Variants in ADGRD1 observed in about 807,000 individuals in gnomAD.
ADGRD1 encodes the protein adhesion G protein-coupled receptor D1.
ADGRD1 carries 77 observed loss-of-function variants against 113.4 expected under a neutral mutation model. The ratio of observed to expected loss-of-function variants is 0.68; its 90% CI spans 0.57 to 0.82. ADGRD1 has a LOEUF of 0.82. ADGRD1 is among the 40% of genes least tolerant of loss of function. The pLI, the probability that ADGRD1 is intolerant of heterozygous loss-of-function variation, is 0.00. For synonymous variants in ADGRD1, 474 were observed against 475.0 expected (o/e 1.00, Z 0.03); for missense variants, 1,036 against 1,139.1 (o/e 0.91, Z 1.30).
chr12:131,062,530 T>G (rs1476809949), intron 13 of ADGRD1, among the ~76,000 whole-genome samples: 2 of 152,204 alleles, frequency 1.3e-5, no homozygotes, highest in Non-Finnish European at 2.9e-5. Context: ...GGGGGCCAGA[T>G]GGTGATAATT....
chr12:131,032,234 C>T (rs1339747531), intron 13 of ADGRD1, among the ~76,000 whole-genome samples: 1 of 152,174 alleles, frequency 6.6e-6, no homozygotes, highest in African/African-American at 2.4e-5. Flanking sequence ...CGTTCCCTCT[C>T]CACCCTGGCG....
At chr12:131,137,779 C>T (rs1951128846) in intron 23 of ADGRD1, 2 of 318,440 alleles carry the variant, frequency 6.3e-6, no homozygotes, top group East Asian at 7.6e-5. Context: ...GAGGTGGATC[C>T]CGGTGGCAGG....
intron 4 of ADGRD1, among the ~76,000 whole-genome samples, chr12:130,979,579 G>A (rs1872703880): frequency 6.6e-6 from 1 of 152,178 alleles, no homozygotes; most frequent in African/African-American, 2.4e-5. Flanking sequence ...TGAAGGTAAG[G>A]TCTAAAGTCT....
At chr12:131,074,318 G>C (rs901061924) in intron 13 of ADGRD1, among the ~76,000 whole-genome samples, 1 of 152,228 alleles carries the variant, frequency 6.6e-6, no homozygotes, top group African/African-American at 2.4e-5. Context: ...ACTTGCCATG[G>C]AGCCGGCCCT....
chr12:131,090,676 G>C (rs1886848547), intron 15 of ADGRD1, among the ~76,000 whole-genome samples: 1 of 152,216 alleles, frequency 6.6e-6, no homozygotes, highest in Non-Finnish European at 1.5e-5. Flanking sequence ...TGTCAACATG[G>C]TGATTAGGGC....
chr12:131,060,388 T>C lies in ADGRD1; in HGVS notation c.1474-16413T>C, dbSNP rs746646232. ...TGGTTACTGGACATATCAGATCAAA[T>C]AGCTCAGGAGGCAAATAATCCACGC... On this transcript the variant is annotated intron_variant, in intron 13 of 24. Transcript: ENST00000261654. The surrounding 1 kb of genome is among the most constrained non-coding windows in gnomAD (Gnocchi z 4.4). Among the ~76,000 whole-genome samples, 1 of 152,214 alleles carries C rather than the reference T, an allele frequency of 6.6e-6. No individual in the cohort carries two copies. Among genetic ancestry groups the C allele is most frequent in the African/African-American group, 2.4e-5 (1 of 41,468 alleles).
chr12:131,044,729 T>G (rs1593109120), intron 13 of ADGRD1, among the ~76,000 whole-genome samples: 1 of 152,120 alleles, frequency 6.6e-6, no homozygotes, highest in Admixed American at 6.5e-5. Flanking sequence ...GCTCTGGGTG[T>G]GCGAGTTTCT....
intron 21 of ADGRD1, among the ~76,000 whole-genome samples, chr12:131,135,396 G>T (rs975903230): frequency 6.6e-6 from 1 of 152,160 alleles, no homozygotes; most frequent in African/African-American, 2.4e-5. Flanking sequence ...CAGCGATGGG[G>T]CTCTGTCAGT....
At chr12:131,037,322 GGGGCCTCACTCACTGCACC>G (rs1197436321) in intron 13 of ADGRD1, among the ~76,000 whole-genome samples, 10 of 68,368 alleles carry the variant, frequency 1.5e-4, no homozygotes, top group Admixed American at 4.4e-4. Context: ...CTCACTGCAT[GGGGCCTCACTCACTGCACC>G]GGGCCTCACT....
intron 13 of ADGRD1, among the ~76,000 whole-genome samples, chr12:131,039,063 G>A (rs1881841136): frequency 6.6e-6 from 1 of 152,244 alleles, no homozygotes; most frequent in African/African-American, 2.4e-5. Flanking sequence ...CCAGGAAACT[G>A]CTGAGTCTAG....
chr12:131,031,929 G>A (rs1880805782), intron 13 of ADGRD1, among the ~76,000 whole-genome samples: 1 of 152,214 alleles, frequency 6.6e-6, no homozygotes, highest in Non-Finnish European at 1.5e-5. Flanking sequence ...AGCCATTTGT[G>A]TCTGTTTGGT....
chr12:131,078,781 A>T (rs969195640), intron 14 of ADGRD1, among the ~76,000 whole-genome samples: 2 of 152,090 alleles, frequency 1.3e-5, no homozygotes, highest in Admixed American at 1.3e-4. Flanking sequence ...CTTTTCCCTC[A>T]ATTCCTAGAG....
At chr12:130,968,624 A>G (rs753230316) in intron 3 of ADGRD1, 12 of 252,040 alleles carry the variant, frequency 4.8e-5, no homozygotes, top group Non-Finnish European at 7.6e-5. Context: ...ATAACCATTC[A>G]TCCTTTTGTT....
At chr12:131,116,494 G>T (rs187058627) in intron 18 of ADGRD1, among the ~76,000 whole-genome samples, 19 of 152,342 alleles carry the variant, frequency 1.2e-4, no homozygotes, top group African/African-American at 4.6e-4. Flanking sequence ...GGGCAGGCAC[G>T]GCGTGTACTC....
At chr12:131,021,552 G>A (rs1006169420) in intron 13 of ADGRD1, among the ~76,000 whole-genome samples, 4 of 152,144 alleles carry the variant, frequency 2.6e-5, no homozygotes, top group Non-Finnish European at 4.4e-5. Flanking sequence ...CCAAGCGAGA[G>A]ACATTTATTT....
intron 7 of ADGRD1, among the ~76,000 whole-genome samples, chr12:130,991,906 A>T (rs953726613): frequency 2.6e-5 from 4 of 152,144 alleles, no homozygotes; most frequent in Non-Finnish European, 5.9e-5. Flanking sequence ...GGATCACTTG[A>T]GGTCCGGAGC....
chr12:130,994,691 A>G (rs114735352), intron 8 of ADGRD1, among the ~76,000 whole-genome samples: 3,743 of 152,320 alleles, frequency 0.025, 73 homozygotes, highest in African/African-American at 0.051. Flanking sequence ...TTAATTATAA[A>G]ATGGATGGCT....
chr12:131,093,228 A>G (rs1201179494), intron 15 of ADGRD1, among the ~76,000 whole-genome samples: 1 of 152,082 alleles, frequency 6.6e-6, no homozygotes, highest in African/African-American at 2.4e-5. Flanking sequence ...GCAGGCCCCC[A>G]CTGGCCTCCT....
intron 4 of ADGRD1, chr12:130,978,133 CT>C (rs1322437851): frequency 2.0e-5 from 3 of 152,192 alleles, no homozygotes; most frequent in African/African-American, 4.8e-5. Flanking sequence ...TTCTCCTCAC[CT>C]GCTAGAAATC....
Sources: gnomAD v4.1 joint callset for allele counts (sites outside exome capture counted in the v4.1 genomes callset) on GRCh38, gnomAD v4.1.1 for gene constraint, Gnocchi (gnomAD v3.1) non-coding constraint, MANE v1.5 for transcripts, NCBI Gene and HGNC (gene_info 2026-07-23, HGNC 2026-07-21) for gene names.